Variants in DHX34 observed in about 807,000 individuals in gnomAD.
The protein encoded by DHX34 is DExH-box helicase 34, also known as probable ATP-dependent RNA helicase DHX34.
DHX34 carries 96 observed loss-of-function variants against 111.1 expected under a neutral mutation model. The ratio of observed to expected loss-of-function variants is 0.86; its 90% CI spans 0.73 to 1.02. The LOEUF is 1.02. Ranked by LOEUF, DHX34 falls within the 50% of genes least tolerant of loss-of-function variation. The pLI is 0.00. For synonymous variants in DHX34, 688 were observed against 670.4 expected, an observed-to-expected ratio of 1.03 and a Z score of -0.41; for missense variants, 1,560 against 1,579.9, an observed-to-expected ratio of 0.99 and a Z score of 0.21.
At chr19:47,350,071 G>A (rs1448011653) in intron 1 of DHX34, among the ~76,000 whole-genome samples, 1 of 152,120 alleles carries the variant, frequency 6.6e-6, no homozygotes, top group African/African-American at 2.4e-5. Flanking sequence ...ATAGGTGTGG[G>A]ATAGGAATAG....
In DHX34 at chr19:47,375,562, C is replaced by A; in HGVS notation, c.2161C>A (p.Leu721Met). Residue 721 changes from leucine (L) to methionine (M), a missense_variant, in exon 10 of 17, where the codon CTG becomes ATG. Physicochemically the swap from Leu to Met is conservative, Grantham distance 15. Transcript: ENST00000328771. ...GCAGCAGCGCCGGGAGCGCCGGGCC[C>A]TGCACCAGCTGAAACGCCAGCACGA... ...RLQQRRERRA[L>M]HQLKRQHEEG... 1 of 1,548,204 alleles carries A rather than the reference C, an allele frequency of 6.5e-7. No homozygotes were observed. The highest frequency in any genetic ancestry group is 1.2e-5 in the South Asian group (1 of 85,022).
chr19:47,356,400 G>A (rs1163265656), intron 3 of DHX34, among the ~76,000 whole-genome samples: 1 of 152,074 alleles, frequency 6.6e-6, no homozygotes, highest in African/African-American at 2.4e-5. Flanking sequence ...GGGAGGCTAA[G>A]GCAGAAAGAT....
At chr19:47,370,789 A>G (rs1341731311) in intron 7 of DHX34, among the ~76,000 whole-genome samples, 1 of 152,084 alleles carries the variant, frequency 6.6e-6, no homozygotes, top group Admixed American at 6.5e-5. Flanking sequence ...TGATCCTCCC[A>G]CCTCAGCCTC....
intron 8 of DHX34, 38 bp downstream of exon 8, chr19:47,372,961 G>C: frequency 6.5e-7 from 1 of 1,537,002 alleles, no homozygotes; most frequent in Non-Finnish European, 8.7e-7. Flanking sequence ...CTGTCACCCT[G>C]CTCAGGGCCA....
intron 1 of DHX34, among the ~76,000 whole-genome samples, chr19:47,349,656 G>A (rs988015886): frequency 6.6e-6 from 1 of 152,180 alleles, no homozygotes; most frequent in Non-Finnish European, 1.5e-5. Flanking sequence ...ACTAGAGAGC[G>A]TGGGCGAGAG....
At chr19:47,357,818 G>C (rs1453223494) in intron 3 of DHX34, 48 bp from the exon 4 acceptor site, 1 of 1,582,400 alleles carries the variant, frequency 6.3e-7, no homozygotes, top group Admixed American at 1.7e-5. Flanking sequence ...CCATTGCTCT[G>C]AGCTGGAGGG....
rs114970618 is a variant in DHX34, at chr19:47,371,892, A to G, written c.1769-838A>G. On this transcript the variant is annotated intron_variant, in intron 7 of 16. Coordinates refer to ENST00000328771, the MANE Select transcript of DHX34 (RefSeq NM_014681.6). ...CACTATGGAAAGTCAGTGAAGGTCA[A>G]CGGTGGGGGCGGGTCAGACACATGA... is the stretch of plus-strand genomic sequence containing the variant. Among the ~76,000 whole-genome samples, 608 of 151,470 alleles carry G rather than the reference A, an allele frequency of 4.0e-3. 6 individuals are homozygous for G. Among genetic ancestry groups the G allele is most frequent in the African/African-American group, 0.014 (583 of 41,306 alleles).
At chr19:47,377,010 G>A (rs560825173) in intron 12 of DHX34, 90 bp from the exon 13 acceptor site, 52 of 1,598,918 alleles carry the variant, frequency 3.3e-5, no homozygotes, top group East Asian at 4.5e-5. Flanking sequence ...TCTTTCTATC[G>A]ATGTGTACTT....
chr19:47,367,463 G>C, intron 7 of DHX34, among the ~76,000 whole-genome samples: 1 of 152,134 alleles, frequency 6.6e-6, no homozygotes, highest in Non-Finnish European at 1.5e-5. Flanking sequence ...ACGGGGTTGG[G>C]GAATGGGGAG....
rs984308307 is a variant in DHX34, at chr19:47,353,619, C to T, written c.589C>T (p.Gln197Ter). 1 of 1,613,316 alleles carries T rather than the reference C, an allele frequency of 6.2e-7. No homozygotes were observed. ...TGCGKSTQVPQYLLAAGFSHV... is the reference protein window; with the variant it reads ...TGCGKSTQVP ...CTGTGGCAAGTCCACTCAGGTGCCC[C>T]AGTACCTGCTGGCTGCTGGCTTCAG... Residue 197 changes from glutamine to a stop codon, truncating the protein, a stop_gained, in exon 2 of 17, where the codon CAG becomes TAG. Coordinates refer to ENST00000328771, the MANE Select transcript of DHX34 (RefSeq NM_014681.6). LOFTEE classifies it high-confidence loss of function. The surrounding 1 kb of genome is among the most constrained non-coding windows in gnomAD (Gnocchi z 4.6).
In DHX34 at chr19:47,382,010, A is replaced by G. The variant is rs1293183547; in HGVS notation, c.3329A>G (p.Gln1110Arg). 1 of 1,614,034 alleles carries G rather than the reference A, an allele frequency of 6.2e-7. No homozygotes were observed. The highest frequency in any genetic ancestry group is 1.1e-5 in the South Asian group (1 of 91,078). Residue 1110 changes from glutamine (Q) to arginine (R), a missense_variant, in exon 17 of 17, where the codon CAG becomes CGG. By Grantham distance (43) the Gln-to-Arg change is conservative. Transcript: ENST00000328771. ...GAEEAALETLQKTSVLQRPYH... is the reference protein window; with the variant it reads ...GAEEAALETLRKTSVLQRPYH... ...GAGGAAGCTGCCCTCGAAACCCTCC[A>G]GAAGACATCTGTCCTGCAGAGGCCC...
chr19:47,371,276 TG>T (rs1969958182), intron 7 of DHX34, among the ~76,000 whole-genome samples: 1 of 152,162 alleles, frequency 6.6e-6, no homozygotes. Flanking sequence ...ACTTGCCCTG[TG>T]GGGAAAACGA....
Position 47,373,654 on chromosome 19 carries a change from A to G in DHX34, c.2018A>G (p.Glu673Gly), listed in dbSNP as rs946733867. 2.5e-6 allele frequency: 4 copies of G among 1,613,942 alleles called. No homozygotes were observed. In the African/African-American group the frequency reaches 4.0e-5, roughly 16 times the overall value. ...AAGTGGTGCCGCCGCCGGGGCATAG[A>G]GGAGCATCGACTGTACGAAATGGCC... Reference protein sequence around the residue: ...SRKWCRRRGIEEHRLYEMANL... With the variant: ...SRKWCRRRGIGEHRLYEMANL... The change falls in exon 9 of 17, where the codon GAG becomes GGG. Residue 673 changes from glutamate to glycine, a missense_variant. Transcript: ENST00000328771.
At chr19:47,368,398 T>C (rs1969860623) in intron 7 of DHX34, among the ~76,000 whole-genome samples, 1 of 146,858 alleles carries the variant, frequency 6.8e-6, no homozygotes. Context: ...CCTCCACCTC[T>C]TGAGTTCAAG....
intron 7 of DHX34, among the ~76,000 whole-genome samples, chr19:47,369,084 G>A (rs1462849602): frequency 6.6e-6 from 1 of 152,106 alleles, no homozygotes; most frequent in East Asian, 1.9e-4. Context: ...CATCATGTTG[G>A]CCAGGCTGGT....
chr19:47,382,267 T>TGAACTGAGCAGACTTGAAACCAGCC lies in DHX34; in HGVS notation c.*154_*155insGAACTGAGCAGACTTGAAACCAGCC. ...TGGAGCACGGATTGTGAATAAAGCC[T>TGAACTGAGCAGACTTGAAACCAGCC]CACATGCTGATACACACTGTTAGGC... On this transcript the variant is annotated 3_prime_UTR_variant, in exon 17 of 17. Coordinates refer to ENST00000328771, the MANE Select transcript of DHX34 (RefSeq NM_014681.6). The TGAACTGAGCAGACTTGAAACCAGCC allele has an allele frequency of 7.4e-7, 1 of 1,348,930 alleles. No individual in the cohort carries two copies. The highest frequency in any genetic ancestry group is 9.8e-7 in the Non-Finnish European group (1 of 1,018,272). The allele number at this position is 1,348,930 out of a possible 1,614,324, so 83.6% of individuals were successfully genotyped here.
At chr19:47,362,385 G>A in intron 5 of DHX34, 91 bp from the exon 6 acceptor site, 1 of 1,398,876 alleles carries the variant, frequency 7.1e-7, no homozygotes, top group Middle Eastern at 2.4e-4. Context: ...AGGAGTAAGT[G>A]AGGGTGTTGG....
At chr19:47,372,049 G>A (rs1261508984) in intron 7 of DHX34, among the ~76,000 whole-genome samples, 2 of 150,834 alleles carry the variant, frequency 1.3e-5, no homozygotes, top group African/African-American at 4.9e-5. Flanking sequence ...GGGTTCACCT[G>A]TCTCCAGGTG....
Position 47,353,507 on chromosome 19 carries a change from G to A in DHX34, c.477G>A (p.Arg159=). 6.2e-7 allele frequency: 1 copy of A among 1,613,886 alleles called. No homozygotes were observed. Residue 159 remains arginine, a synonymous_variant, in exon 2 of 17, where the codon CGG becomes CGA. Transcript: ENST00000328771. This position sits in a 1 kb window ranked among gnomAD's most constrained non-coding sequence, Gnocchi z 4.6. ...FGRLAKLQRE[R]AALPIAQYGN... is the part of the protein sequence containing the mutation. ...GTCTGGCCAAGCTGCAGCGTGAGCG[G>A]GCAGCCCTCCCCATCGCCCAGTATG...
Sources: gnomAD v4.1 joint callset for allele counts (sites outside exome capture counted in the v4.1 genomes callset) on GRCh38, gnomAD v4.1.1 for gene constraint, Gnocchi (gnomAD v3.1) non-coding constraint, MANE v1.5 for transcripts, NCBI Gene and HGNC (gene_info 2026-07-23, HGNC 2026-07-21) for gene names.